POLK: variants seen among roughly 807,000 people sequenced by gnomAD.
POLK encodes the protein DNA polymerase kappa, also known as polymerase (DNA directed) kappa.
Under a neutral mutation model 94.0 loss-of-function variants are expected in POLK, and 76 were observed. The observed-to-expected ratio is 0.81, with a 90% confidence interval of 0.67 to 0.98. The LOEUF is 0.98. Among genes scored for constraint, POLK ranks in the 50% least tolerant of loss-of-function variants. The probability of loss-of-function intolerance (pLI) is 0.00; values close to 1 mark genes in which losing one functional copy is unlikely to be tolerated. For synonymous variants in POLK, 349 were observed against 325.4 expected (o/e 1.07, Z -0.78); for missense variants, 954 against 1,010.1 (o/e 0.94, Z 0.75).
chr5:75,564,448 T>C (rs539879542), intron 3 of POLK, among the ~76,000 whole-genome samples: 1 of 152,218 alleles, frequency 6.6e-6, no homozygotes, highest in South Asian at 2.1e-4. Flanking sequence ...GCTAGCTGGT[T>C]ATTTTGCCCA....
At chr5:75,594,119 T>A in intron 12 of POLK, 70 bp downstream of exon 12, 1 of 1,187,162 alleles carries the variant, frequency 8.4e-7, no homozygotes, top group Non-Finnish European at 1.2e-6. Flanking sequence ...ACTTTGGGAA[T>A]ACAGGGGGCC....
chr5:75,605,032 A>G (rs1773385370), downstream of POLK, among the ~76,000 whole-genome samples: 1 of 152,032 alleles, frequency 6.6e-6, no homozygotes, highest in South Asian at 2.1e-4. Flanking sequence ...GGGAGATTAA[A>G]GATAATTCAG....
chr5:75,550,887 C>T (rs954964365), intron 2 of POLK, among the ~76,000 whole-genome samples: 1 of 152,128 alleles, frequency 6.6e-6, no homozygotes, highest in Non-Finnish European at 1.5e-5. Flanking sequence ...TTCTACTCAA[C>T]ATAGTCCTAA....
intron 3 of POLK, among the ~76,000 whole-genome samples, chr5:75,567,580 T>C (rs1312220925): frequency 6.6e-6 from 1 of 152,172 alleles, no homozygotes; most frequent in African/African-American, 2.4e-5. Flanking sequence ...ATTTTTCTCC[T>C]TCTAGTCTCC....
At chr5:75,529,693 G>A (rs1186688004) in intron 1 of POLK, among the ~76,000 whole-genome samples, 1 of 151,794 alleles carries the variant, frequency 6.6e-6, no homozygotes, top group Non-Finnish European at 1.5e-5. Flanking sequence ...TGGAACCCAT[G>A]GATATGAAAG....
intron 1 of POLK, chr5:75,512,834 A>AG (rs1491440151): frequency 6.6e-6 from 1 of 152,268 alleles, no homozygotes; most frequent in Non-Finnish European, 1.5e-5. Flanking sequence ...TTCGAGTCTA[A>AG]GGGAAAACGC....
chr5:75,559,505 G>GTTT lies in POLK; in HGVS notation c.255+6919_255+6921dup, dbSNP rs1561371144. Among the ~76,000 whole-genome samples, 336 of 70,056 alleles carry GTTT rather than the reference G, an allele frequency of 4.8e-3. 19 individuals carry two copies. The highest frequency in any genetic ancestry group is 9.9e-3 in the South Asian group (17 of 1,714). The allele number at this position is 70,056 out of a possible 152,430, so 46.0% of individuals were successfully genotyped here. A position where few individuals can be genotyped will look rare whatever the true frequency, so the allele number is the denominator to read the frequency against. On this transcript the variant is annotated intron_variant, in intron 3 of 14. Transcript: ENST00000241436. ...TTGGCAATTTATTGATTTGGGGTTT[G>GTTT]TTTTTTTGTTTTGTTTTGTTTTTTT... is the stretch of plus-strand genomic sequence containing the variant.
Position 75,527,915 on chromosome 5 carries a change from G to A in POLK, c.-14+16001G>A, listed in dbSNP as rs141309401. Among the ~76,000 whole-genome samples the A allele has an allele frequency of 1.4e-4, 22 of 152,170 alleles. No individual in the cohort carries two copies. In the East Asian group the frequency reaches 3.5e-3, roughly 24 times the overall value. Reference sequence around the variant, plus strand: ...GAAACAACCTAACTGCTGTCACTAGGGAGCTGTTATATGAAATATCGTTCA... The same window carrying A: ...GAAACAACCTAACTGCTGTCACTAGAGAGCTGTTATATGAAATATCGTTCA... On this transcript the variant is annotated intron_variant, in intron 1 of 14. Coordinates refer to ENST00000241436, the Ensembl canonical transcript of POLK.
rs770053230 is a variant in POLK, at chr5:75,581,232, A to T, written c.718A>T (p.Lys240Ter). Residue 240 changes from lysine to a stop codon, truncating the protein, a stop_gained, in exon 7 of 15, where the codon AAA becomes TAA. Coordinates refer to ENST00000241436, the Ensembl canonical transcript of POLK. LOFTEE classifies it high-confidence loss of function. ...AGATAATCCAGGAAAGGAAGTTAATAAACTGAGTGAGCATGAACGATCCAT... is the reference window on the plus strand; with the variant it reads ...AGATAATCCAGGAAAGGAAGTTAATTAACTGAGTGAGCATGAACGATCCAT... The T allele has an allele frequency of 6.2e-7, 1 of 1,604,532 alleles. No individual in the cohort carries two copies. The highest frequency in any genetic ancestry group is 8.5e-7 in the Non-Finnish European group (1 of 1,171,472).
At chr5:75,601,575 G>A (rs987654621), downstream of POLK, among the ~76,000 whole-genome samples, 6 of 152,174 alleles carry the variant, frequency 3.9e-5, no homozygotes, top group African/African-American at 1.4e-4. Context: ...AGCAGGCAGA[G>A]GAAGGTGGAA....
At chr5:75,544,484 A>G (rs1769909014) in intron 1 of POLK, among the ~76,000 whole-genome samples, 1 of 152,152 alleles carries the variant, frequency 6.6e-6, no homozygotes, top group South Asian at 2.1e-4. Flanking sequence ...TTTACTAAAA[A>G]TACAAAAATT....
At chr5:75,548,661 G>A (rs1045669188) in intron 2 of POLK, among the ~76,000 whole-genome samples, 6 of 151,840 alleles carry the variant, frequency 4.0e-5, no homozygotes, top group South Asian at 2.1e-4. Context: ...TAGGAAATGC[G>A]TGGTGATGTC....
chr5:75,528,983 A>G (rs886159515), intron 1 of POLK, among the ~76,000 whole-genome samples: 2 of 152,236 alleles, frequency 1.3e-5, no homozygotes, highest in Non-Finnish European at 1.5e-5. Context: ...ATAAAATGGC[A>G]TAGCATTTAC....
At chr5:75,581,264 A>C in exon 7 of POLK, 1 of 1,610,384 alleles carries the variant, frequency 6.2e-7, no homozygotes, top group Non-Finnish European at 8.5e-7. Flanking sequence ...CCATCTCTCC[A>C]CTACTTTTTG....
exon 9 of POLK, chr5:75,584,792 G>A (rs1356658137): frequency 6.4e-7 from 1 of 1,573,854 alleles, no homozygotes; most frequent in South Asian, 1.2e-5. Context: ...CAGAGAAAAT[G>A]TTAAAGGCCC....
exon 13 of POLK, chr5:75,596,647 A>G (rs766331005): frequency 1.9e-6 from 3 of 1,614,116 alleles, no homozygotes; most frequent in South Asian, 1.1e-5. Flanking sequence ...TGGACCTTCA[A>G]TCAGTGAAAA....
rs5744629 is a variant in POLK at position 75,567,238 on chromosome 5, T to G, written c.256-2102T>G. 2.3e-3 allele frequency among the ~76,000 whole-genome samples: 348 copies of G among 152,374 alleles called. 2 individuals carry two copies. The highest frequency in any genetic ancestry group is 8.0e-3 in the African/African-American group (333 of 41,598). Reference sequence around the variant, plus strand: ...TTTTTCTTTTCTAGATGATTCCATGTCCAAGTATTTCAGATGCCACTTTCT... The same window carrying G: ...TTTTTCTTTTCTAGATGATTCCATGGCCAAGTATTTCAGATGCCACTTTCT... On this transcript the variant is annotated intron_variant, in intron 3 of 14. Transcript: ENST00000241436.
intron 1 of POLK, among the ~76,000 whole-genome samples, chr5:75,546,767 G>A (rs1395900336): frequency 1.3e-5 from 2 of 152,080 alleles, no homozygotes; most frequent in Non-Finnish European, 2.9e-5. Flanking sequence ...CCGGGTTCAA[G>A]CAATTCTCCT....
At chr5:75,577,299 T>C (rs1336596882) in intron 6 of POLK, among the ~76,000 whole-genome samples, 2 of 152,228 alleles carry the variant, frequency 1.3e-5, no homozygotes, top group African/African-American at 4.8e-5. Context: ...TAGAAAAGAC[T>C]AGCCTCAAAC....
Sources: gnomAD v4.1 joint callset for allele counts (sites outside exome capture counted in the v4.1 genomes callset) on GRCh38, gnomAD v4.1.1 for gene constraint, MANE v1.5 for transcripts, NCBI Gene and HGNC (gene_info 2026-07-23, HGNC 2026-07-21) for gene names.